Variants in TRIM49 observed in about 807,000 individuals in gnomAD.
The protein encoded by TRIM49 is tripartite motif-containing protein 49.
A neutral mutation model predicts 27.4 loss-of-function variants in TRIM49; 5 were observed. The observed-to-expected ratio is 0.18, with a 90% CI of 0.10 to 0.38. The LOEUF (loss-of-function observed/expected upper bound fraction) is 0.38. Ranked by LOEUF, TRIM49 falls within the 10% of genes least tolerant of loss-of-function variation. TRIM49 has a pLI of 1.00. For synonymous variants in TRIM49, 69 were observed against 166.0 expected (o/e 0.42, Z 4.49); for missense variants, 188 against 487.5 (o/e 0.39, Z 5.79).
chr11:89,768,343 A>T, the TRIM49 span: 1 of 1,268,506 alleles, frequency 7.9e-7, no homozygotes, highest in Non-Finnish European at 1.1e-6. Context: ...TAAGAAATAG[A>T]TTCCAACAGA....
chr11:89,790,363 C>T, the TRIM49 span, among the ~76,000 whole-genome samples: 190 of 146,592 alleles, frequency 1.3e-3, no homozygotes, highest in African/African-American at 4.5e-3. Context: ...CAGCAGAAAC[C>T]GCTGCAGACT....
At chr11:89,800,075 T>A (rs1195640868) in intron 6 of TRIM49, among the ~76,000 whole-genome samples, 1 of 150,982 alleles carries the variant, frequency 6.6e-6, no homozygotes, top group East Asian at 1.9e-4. Context: ...TTTATGGCCT[T>A]GAGAATATTT....
the TRIM49 span, chr11:89,768,282 C>G: frequency 1.3e-6 from 2 of 1,500,802 alleles, no homozygotes; most frequent in South Asian, 2.3e-5. Context: ...AGCACGGACT[C>G]ACTCCTGCAA....
intron 2 of TRIM49, among the ~76,000 whole-genome samples, chr11:89,805,017 C>T (rs1949777594): frequency 6.6e-6 from 1 of 151,064 alleles, no homozygotes; most frequent in South Asian, 2.1e-4. Flanking sequence ...TATCCCAGGA[C>T]TTAAAATTAA....
the TRIM49 span, chr11:89,778,097 G>A: frequency 4.5e-6 from 3 of 668,188 alleles, no homozygotes; most frequent in South Asian, 3.6e-5. Flanking sequence ...CAAACTACCA[G>A]TTAAAAGATA....
At chr11:89,772,179 T>C in the TRIM49 span, among the ~76,000 whole-genome samples, 1 of 137,986 alleles carries the variant, frequency 7.2e-6, no homozygotes. Flanking sequence ...GAATATTAAA[T>C]ATATTTTCTT....
intron 1 of TRIM49, among the ~76,000 whole-genome samples, chr11:89,807,839 A>G (rs1335494400): frequency 6.7e-6 from 1 of 148,614 alleles, no homozygotes; most frequent in Non-Finnish European, 1.5e-5. Flanking sequence ...TCCAGCTTAA[A>G]TGCTGCTTTA....
chr11:89,791,067 G>A, the TRIM49 span, among the ~76,000 whole-genome samples: 1 of 149,284 alleles, frequency 6.7e-6, no homozygotes, highest in Non-Finnish European at 1.5e-5. Context: ...TGATGGAGGT[G>A]AAAACCATGG....
downstream of TRIM49, among the ~76,000 whole-genome samples, chr11:89,796,188 T>A (rs921044839): frequency 1.1e-4 from 16 of 152,092 alleles, 1 homozygote; most frequent in African/African-American, 3.9e-4. Context: ...TTAAAATACC[T>A]ATAATTAGCG....
At chr11:89,770,857 C>T in the TRIM49 span, among the ~76,000 whole-genome samples, 1 of 141,108 alleles carries the variant, frequency 7.1e-6, no homozygotes, top group African/African-American at 2.9e-5. Context: ...CAGAGCGAGA[C>T]TCTGTCTCAA....
At chr11:89,790,540 C>G in the TRIM49 span, among the ~76,000 whole-genome samples, 2 of 152,002 alleles carry the variant, frequency 1.3e-5, no homozygotes, top group African/African-American at 4.8e-5. Context: ...ACTTACTCCT[C>G]TGAGACGAAG....
chr11:89,800,075 T>G (rs1195640868), intron 6 of TRIM49, among the ~76,000 whole-genome samples: 1 of 150,982 alleles, frequency 6.6e-6, no homozygotes, highest in Non-Finnish European at 1.5e-5. Context: ...TTTATGGCCT[T>G]GAGAATATTT....
the TRIM49 span, among the ~76,000 whole-genome samples, chr11:89,791,427 C>T: frequency 6.6e-6 from 1 of 151,240 alleles, no homozygotes; most frequent in Non-Finnish European, 1.5e-5. Flanking sequence ...GAGCAACTCC[C>T]AAACACATAA....
At chr11:89,776,839 A>G in the TRIM49 span, 1 of 687,614 alleles carries the variant, frequency 1.5e-6, no homozygotes, top group South Asian at 2.0e-5. Flanking sequence ...CTCAGTTTGT[A>G]CTGGAGCTAA....
In TRIM49 at chr11:89,803,791, C is replaced by T. The variant is rs1484796483; in HGVS notation, c.414G>A (p.Glu138=). The change falls in exon 4 of 8, where the codon GAG becomes GAA. Residue 138 remains glutamate, a splice_region_variant and synonymous_variant. Transcript: ENST00000329758. ...AAGACTGCATTTTCTGTAAAAGCTT[C>T]TCCTGCAAAAGAGCCATAAATTGAA... ...PIEWAAEEHR[E]KLLQKMQSLW... 1.5e-6 allele frequency: 2 copies of T among 1,344,418 alleles called. No individual in the cohort carries two copies. The highest frequency in any genetic ancestry group is 3.0e-5 in the African/African-American group (2 of 66,210). The allele number at this position is 1,344,418 out of a possible 1,614,324, so 83.3% of individuals were successfully genotyped here. A position where few individuals can be genotyped will look rare whatever the true frequency, so the allele number is the denominator to read the frequency against.
intron 1 of TRIM49, among the ~76,000 whole-genome samples, 161 bp from the exon 2 acceptor site, chr11:89,807,445 T>C (rs1251919529): frequency 4.6e-5 from 7 of 151,446 alleles, no homozygotes; most frequent in African/African-American, 1.2e-4. Context: ...ATGAATCATA[T>C]GTAACATAAA....
the TRIM49 span, chr11:89,787,555 C>T: frequency 8.9e-6 from 7 of 783,580 alleles, no homozygotes; most frequent in Admixed American, 2.7e-5. Context: ...CTGCCGACCC[C>T]TCCCCGCGGA....
the TRIM49 span, among the ~76,000 whole-genome samples, chr11:89,790,877 C>T: frequency 6.6e-6 from 1 of 152,246 alleles, no homozygotes; most frequent in African/African-American, 2.4e-5. Flanking sequence ...TCCTCACCAG[C>T]AATGGAACGA....
chr11:89,785,877 G>C, the TRIM49 span: 3 of 144,520 alleles, frequency 2.1e-5, no homozygotes, highest in East Asian at 2.1e-4. Context: ...TCAGTAGTGA[G>C]AGGCAGGGAC....
Sources: allele counts gnomAD v4.1 joint callset (sites outside exome capture counted in the v4.1 genomes callset), GRCh38; gene constraint gnomAD v4.1.1; transcripts MANE v1.5; gene names NCBI Gene and HGNC (gene_info 2026-07-23, HGNC 2026-07-21).